The following CELF2 variants were observed in gnomAD, a reference collection of about 807,000 sequenced individuals.
The protein encoded by CELF2 is CUG triplet repeat RNA-binding protein 2.
CELF2 carries 8 observed loss-of-function variants against 62.6 expected under a neutral mutation model. That is an observed-to-expected ratio of 0.13 (90% confidence interval 0.07 to 0.23). The LOEUF (loss-of-function observed/expected upper bound fraction) is 0.23, where lower values mean the gene tolerates loss of function less well. Among genes scored for constraint, CELF2 ranks in the 10% least tolerant of loss-of-function variants. The pLI is 1.00. For missense variants in CELF2, 333 were observed against 671.0 expected, an observed-to-expected ratio of 0.50 and a Z score of 5.56; for synonymous variants, 258 against 250.0, an observed-to-expected ratio of 1.03 and a Z score of -0.30.
chr10:11,197,070 G>GAAGGAAAGAAAAGAAAGAAAGGAAA (rs1329770894), intron 2 of CELF2, among the ~76,000 whole-genome samples: 2 of 78,098 alleles, frequency 2.6e-5, no homozygotes, highest in African/African-American at 1.2e-4. Context: ...AAGAAAGAAA[G>GAAGGAAAGAAAAGAAAGAAAGGAAA]GAAAGAAAGA....
chr10:10,502,698 T>C, the CELF2 span, among the ~76,000 whole-genome samples: 3 of 151,998 alleles, frequency 2.0e-5, no homozygotes, highest in African/African-American at 4.8e-5. Context: ...GTCAGTTTTA[T>C]TGATTTTTAA....
chr10:10,914,081 A>G (rs1368151854), intron 1 of CELF2, among the ~76,000 whole-genome samples: 1 of 152,088 alleles, frequency 6.6e-6, no homozygotes, highest in African/African-American at 2.4e-5. Context: ...CTAGAACATT[A>G]AATCATTTTT....
chr10:10,787,210 C>T, the CELF2 span, among the ~76,000 whole-genome samples: 3 of 146,858 alleles, frequency 2.0e-5, no homozygotes, highest in African/African-American at 7.6e-5. Flanking sequence ...GGGAAGAAAG[C>T]CCTTAAGGTT....
At chr10:11,222,165 G>C (rs922451241) in intron 3 of CELF2, among the ~76,000 whole-genome samples, 3 of 152,130 alleles carry the variant, frequency 2.0e-5, no homozygotes, top group African/African-American at 4.8e-5. Flanking sequence ...TCTCTCTTCA[G>C]CAAAAAAGCT....
At chr10:10,536,351 G>C in the CELF2 span, among the ~76,000 whole-genome samples, 2 of 152,170 alleles carry the variant, frequency 1.3e-5, no homozygotes, top group African/African-American at 4.8e-5. Context: ...AATTTGCATT[G>C]TTACTTGATG....
chr10:11,013,772 G>C (rs2056841027), upstream of CELF2, among the ~76,000 whole-genome samples: 1 of 152,158 alleles, frequency 6.6e-6, no homozygotes, highest in East Asian at 1.9e-4. The surrounding 1 kb of genome is among the most constrained non-coding windows in gnomAD (Gnocchi z 4.1). Context: ...GAAAATAAGT[G>C]ATCATTTTAA....
intron 1 of CELF2, among the ~76,000 whole-genome samples, chr10:11,121,633 A>C (rs1178508039): frequency 4.6e-5 from 7 of 152,148 alleles, no homozygotes; most frequent in African/African-American, 1.7e-4. Context: ...CACAAAAATA[A>C]ATATAAGTTA....
intron 2 of CELF2, among the ~76,000 whole-genome samples, chr10:10,968,379 CT>C (rs2050380049): frequency 6.6e-6 from 1 of 152,176 alleles, no homozygotes; most frequent in African/African-American, 2.4e-5. Context: ...CAGCTGCCAC[CT>C]AGCAATGTTC....
chr10:10,686,097 A>T, the CELF2 span, among the ~76,000 whole-genome samples: 3 of 152,160 alleles, frequency 2.0e-5, no homozygotes, highest in Non-Finnish European at 2.9e-5. Flanking sequence ...AACAGTGTCA[A>T]CACGGTGGTA....
the CELF2 span, among the ~76,000 whole-genome samples, chr10:10,741,811 CTA>C: frequency 6.6e-6 from 1 of 152,178 alleles, no homozygotes; most frequent in Non-Finnish European, 1.5e-5. Context: ...TAGTTTGAGA[CTA>C]TGCAAGTATC....
the CELF2 span, among the ~76,000 whole-genome samples, chr10:10,540,017 C>A: frequency 6.6e-6 from 1 of 152,106 alleles, no homozygotes; most frequent in Non-Finnish European, 1.5e-5. Context: ...TTTGCTGGCT[C>A]CCTTATTTTT....
chr10:10,574,101 G>A, the CELF2 span, among the ~76,000 whole-genome samples: 1 of 152,072 alleles, frequency 6.6e-6, no homozygotes, highest in Non-Finnish European at 1.5e-5. Context: ...TACAAATTTG[G>A]GACTCAGAAG....
chr10:10,702,934 G>T, the CELF2 span, among the ~76,000 whole-genome samples: 2 of 152,056 alleles, frequency 1.3e-5, no homozygotes, highest in African/African-American at 4.8e-5. Flanking sequence ...CTTTATCTAA[G>T]ATTTTTCCCC....
intron 2 of CELF2, among the ~76,000 whole-genome samples, chr10:10,989,988 C>G (rs1275930664): frequency 6.6e-6 from 1 of 152,100 alleles, no homozygotes; most frequent in Non-Finnish European, 1.5e-5. Context: ...GCAAGCCACT[C>G]TTGTATATGG....
the CELF2 span, among the ~76,000 whole-genome samples, chr10:10,789,812 G>A: frequency 8.0e-4 from 121 of 152,050 alleles, no homozygotes; most frequent in African/African-American, 2.7e-3. Flanking sequence ...TGTATCCACA[G>A]GGTTTTGCTC....
At chr10:10,505,393 C>T in the CELF2 span, among the ~76,000 whole-genome samples, 2 of 152,052 alleles carry the variant, frequency 1.3e-5, no homozygotes, top group Admixed American at 1.3e-4. Flanking sequence ...ACTTTATTAC[C>T]ACTGGATGAA....
At chr10:11,095,096 G>A (rs1012570159) in intron 1 of CELF2, among the ~76,000 whole-genome samples, 3 of 151,964 alleles carry the variant, frequency 2.0e-5, no homozygotes, top group East Asian at 1.9e-4. Context: ...GTCATTTTTG[G>A]TTTTTATTTT....
At chr10:11,128,074 G>A (rs555356301) in intron 1 of CELF2, among the ~76,000 whole-genome samples, 1 of 152,168 alleles carries the variant, frequency 6.6e-6, no homozygotes, top group African/African-American at 2.4e-5. Context: ...GTAAGGATGG[G>A]ATCCAGTTTC....
intron 1 of CELF2, among the ~76,000 whole-genome samples, chr10:10,835,418 T>C (rs1176819717): frequency 6.6e-6 from 1 of 151,226 alleles, no homozygotes; most frequent in African/African-American, 2.4e-5. Flanking sequence ...AGTTTTGCTC[T>C]GTCACCCAGG....
Sources: allele counts gnomAD v4.1 joint callset (sites outside exome capture counted in the v4.1 genomes callset), GRCh38; gene constraint gnomAD v4.1.1; non-coding constraint Gnocchi (gnomAD v3.1); transcripts MANE v1.5; gene names NCBI Gene and HGNC (gene_info 2026-07-23, HGNC 2026-07-21).